The following LRRC8C variants were observed in gnomAD, a reference collection of about 807,000 sequenced individuals.
LRRC8C encodes the protein volume-regulated anion channel subunit LRRC8C.
A neutral mutation model predicts 55.3 loss-of-function variants in LRRC8C; 20 were observed. The observed-to-expected ratio is 0.36, with a 90% CI of 0.25 to 0.53. LRRC8C has a LOEUF of 0.53. Among genes scored for constraint, LRRC8C ranks in the 20% least tolerant of loss-of-function variants. The pLI is 0.92. For missense variants in LRRC8C, 659 were observed against 951.4 expected (o/e 0.69, Z 4.04); for synonymous variants, 376 against 360.7 (o/e 1.04, Z -0.48).
intron 1 of LRRC8C, among the ~76,000 whole-genome samples, chr1:89,678,566 G>A (rs1417477973): frequency 6.6e-6 from 1 of 152,142 alleles, no homozygotes; most frequent in Non-Finnish European, 1.5e-5. Flanking sequence ...TGGGCATGGT[G>A]GTGCATACCT....
chr1:89,616,644 G>A, the LRRC8C span, among the ~76,000 whole-genome samples: 1 of 152,158 alleles, frequency 6.6e-6, no homozygotes, highest in Non-Finnish European at 1.5e-5. Flanking sequence ...CAAATTTAGG[G>A]GGAAAAGACA....
chr1:89,654,023 A>G (rs564753277), intron 1 of LRRC8C, among the ~76,000 whole-genome samples: 1 of 152,342 alleles, frequency 6.6e-6, no homozygotes, highest in South Asian at 2.1e-4. Flanking sequence ...AAAATGTGGT[A>G]TATATACACA....
chr1:89,688,174 T>C (rs1657932740), intron 2 of LRRC8C, among the ~76,000 whole-genome samples: 1 of 152,156 alleles, frequency 6.6e-6, no homozygotes, highest in East Asian at 1.9e-4. Context: ...TTTTATTTGG[T>C]CACTGAAAAT....
intron 2 of LRRC8C, among the ~76,000 whole-genome samples, chr1:89,696,712 T>C (rs1325089692): frequency 6.6e-6 from 1 of 152,132 alleles, no homozygotes; most frequent in Non-Finnish European, 1.5e-5. Flanking sequence ...CAAAACAGAC[T>C]GGTCCCAAGG....
intron 1 of LRRC8C, among the ~76,000 whole-genome samples, chr1:89,670,415 T>C (rs1657384122): frequency 6.6e-6 from 1 of 152,206 alleles, no homozygotes; most frequent in South Asian, 2.1e-4. Flanking sequence ...TGCTGACTCA[T>C]TCATGTTCTT....
intron 2 of LRRC8C, among the ~76,000 whole-genome samples, chr1:89,691,879 G>A (rs1346237476): frequency 6.6e-6 from 1 of 152,040 alleles, no homozygotes; most frequent in Non-Finnish European, 1.5e-5. Context: ...GTTACAAAAA[G>A]TATCAATTTT....
At chr1:89,676,894 T>A (rs1156995537) in intron 1 of LRRC8C, among the ~76,000 whole-genome samples, 1 of 152,166 alleles carries the variant, frequency 6.6e-6, no homozygotes, top group Non-Finnish European at 1.5e-5. Flanking sequence ...GACATACAAT[T>A]CCCTCTCATA....
intron 1 of LRRC8C, among the ~76,000 whole-genome samples, chr1:89,677,900 T>G (rs577808069): frequency 6.6e-6 from 1 of 152,380 alleles, no homozygotes; most frequent in African/African-American, 2.4e-5. Context: ...AATTTTTATG[T>G]AATTGGGAAA....
chr1:89,690,352 A>G (rs1042394523), intron 2 of LRRC8C, among the ~76,000 whole-genome samples: 2 of 152,162 alleles, frequency 1.3e-5, no homozygotes, highest in Non-Finnish European at 2.9e-5. Flanking sequence ...TAAGGAAGGT[A>G]GTAGAGCAGG....
At chr1:89,633,495 A>G (rs985425740) in intron 1 of LRRC8C, among the ~76,000 whole-genome samples, 173 bp downstream of exon 1, 7 of 152,116 alleles carry the variant, frequency 4.6e-5, no homozygotes, top group African/African-American at 1.7e-4. Context: ...GGTGCTGGGA[A>G]CCTTCCGCTA....
At chr1:89,673,374 T>TAA (rs1010900250) in intron 1 of LRRC8C, among the ~76,000 whole-genome samples, 1 of 152,114 alleles carries the variant, frequency 6.6e-6, no homozygotes, top group Admixed American at 6.5e-5. Context: ...TTCAACCGTT[T>TAA]AAAAAAATAT....
At chr1:89,700,277 G>A (rs1488221717) in intron 2 of LRRC8C, among the ~76,000 whole-genome samples, 1 of 152,048 alleles carries the variant, frequency 6.6e-6, no homozygotes, top group Non-Finnish European at 1.5e-5. Flanking sequence ...ACTCCGCCAA[G>A]CCTACCCTGC....
intron 1 of LRRC8C, among the ~76,000 whole-genome samples, chr1:89,642,562 A>C (rs572670445): frequency 1.3e-4 from 20 of 152,226 alleles, no homozygotes; most frequent in African/African-American, 4.8e-4. Context: ...TAAAAATACA[A>C]AAATTGGCCA....
At chr1:89,625,918 T>C in the LRRC8C span, among the ~76,000 whole-genome samples, 1 of 152,206 alleles carries the variant, frequency 6.6e-6, no homozygotes, top group Non-Finnish European at 1.5e-5. Flanking sequence ...TATGGTGTTA[T>C]GAAAAGACTG....
In LRRC8C at chr1:89,665,950, G is replaced by A. The variant is rs552351139; in HGVS notation, c.-4-20520G>A. ...CACAAATACTTACTATTATGTTGCA[G>A]TTACCTACAGGATTCAGTACAGGAA... On this transcript the variant is annotated intron_variant, in intron 1 of 2. Transcript: ENST00000370454. Among the ~76,000 whole-genome samples, 14 of 152,240 alleles carry A rather than the reference G, an allele frequency of 9.2e-5. No individual in the cohort carries two copies. The South Asian group carries it at 2.9e-3, about 32-fold the overall frequency.
At chr1:89,659,048 G>GTT (rs771955175) in intron 1 of LRRC8C, among the ~76,000 whole-genome samples, 1,306 of 25,260 alleles carry the variant, frequency 0.052, 178 homozygotes, top group African/African-American at 0.082. Context: ...TCTTCTCCAG[G>GTT]TTTTTTTTTT....
chr1:89,702,208 G>A (rs984192396), intron 2 of LRRC8C, among the ~76,000 whole-genome samples: 3 of 151,956 alleles, frequency 2.0e-5, no homozygotes, highest in Non-Finnish European at 4.4e-5. Context: ...GGGGCTGGGG[G>A]CTGGGTGCAG....
At chr1:89,682,605 T>C (rs1233185460) in intron 1 of LRRC8C, among the ~76,000 whole-genome samples, 2 of 152,214 alleles carry the variant, frequency 1.3e-5, no homozygotes, top group African/African-American at 4.8e-5. Flanking sequence ...AAACCATGGT[T>C]AGTAAGGCAC....
At chr1:89,669,683 C>T (rs945583055) in intron 1 of LRRC8C, among the ~76,000 whole-genome samples, 2 of 152,140 alleles carry the variant, frequency 1.3e-5, no homozygotes, top group African/African-American at 4.8e-5. Flanking sequence ...GGTCACCCAG[C>T]TTACAAGTGA....
Sources: gnomAD v4.1 joint callset for allele counts (sites outside exome capture counted in the v4.1 genomes callset) on GRCh38, gnomAD v4.1.1 for gene constraint, MANE v1.5 for transcripts, NCBI Gene and HGNC (gene_info 2026-07-23, HGNC 2026-07-21) for gene names.